The following SPEF2 variants were observed in gnomAD, a reference collection of about 807,000 sequenced individuals.
SPEF2 encodes sperm flagella and cilia-associated protein 2.
In SPEF2, 187 loss-of-function variants were observed where a neutral mutation model predicts 224.6. That is an observed-to-expected ratio of 0.83 (90% CI 0.74 to 0.94). SPEF2 has a LOEUF of 0.94. SPEF2 is among the 40% of genes least tolerant of loss of function. The pLI is 0.00. For synonymous variants in SPEF2, 715 were observed against 707.3 expected (o/e 1.01, Z -0.17); for missense variants, 2,170 against 2,135.6 (o/e 1.02, Z -0.32).
chr5:35,702,435 G>A (rs1029136052), intron 16 of SPEF2: 31 of 410,288 alleles, frequency 7.6e-5, no homozygotes, highest in South Asian at 1.4e-4. Context: ...GACTGCCTCC[G>A]CTGTTTAGCC....
intron 36 of SPEF2, 145 bp downstream of exon 36, chr5:35,807,398 T>C (rs892786374): frequency 1.6e-6 from 2 of 1,280,090 alleles, no homozygotes; most frequent in South Asian, 2.9e-5. Flanking sequence ...AAGCTGGTAA[T>C]CACATCAGGC....
chr5:35,703,189 G>A (rs1374130020), intron 16 of SPEF2, among the ~76,000 whole-genome samples: 1 of 151,610 alleles, frequency 6.6e-6, no homozygotes, highest in Non-Finnish European at 1.5e-5. Flanking sequence ...TTTTTAGCTA[G>A]GGAATTAGTA....
At chr5:35,744,008 T>A (rs1748079877) in intron 23 of SPEF2, among the ~76,000 whole-genome samples, 1 of 152,244 alleles carries the variant, frequency 6.6e-6, no homozygotes, top group Non-Finnish European at 1.5e-5. Flanking sequence ...TTCCTCATTA[T>A]GGTATAAAAT....
At chr5:35,723,664 A>G (rs145201768) in intron 20 of SPEF2, among the ~76,000 whole-genome samples, 1 of 152,360 alleles carries the variant, frequency 6.6e-6, no homozygotes, top group African/African-American at 2.4e-5. Flanking sequence ...AAATGAGGAA[A>G]TTAGCACATT....
At chr5:35,747,166 C>A (rs181395612) in intron 23 of SPEF2, among the ~76,000 whole-genome samples, 1 of 152,210 alleles carries the variant, frequency 6.6e-6, no homozygotes, top group East Asian at 1.9e-4. Flanking sequence ...GAAAAAGGAG[C>A]TCTAAATCTT....
intron 20 of SPEF2, among the ~76,000 whole-genome samples, chr5:35,721,557 T>C (rs1370565263): frequency 6.6e-6 from 1 of 152,246 alleles, no homozygotes; most frequent in Non-Finnish European, 1.5e-5. Flanking sequence ...AAACCTTGCA[T>C]CTGACCTGGA....
At position 35,672,575 on chromosome 5, in the gene SPEF2, T is replaced by G. The variant is rs192910952; in HGVS notation, c.1524+2348T>G. Among the ~76,000 whole-genome samples the G allele has an allele frequency of 4.2e-3, 637 of 151,726 alleles. 4 individuals carry two copies. Among genetic ancestry groups the G allele is most frequent in the Non-Finnish European group, 4.7e-3 (320 of 67,842 alleles). On this transcript the variant is annotated intron_variant, in intron 10 of 36. Transcript: ENST00000356031. ...TTGTATGTGGGAACATTTAGGACAA[T>G]TTCTTGAAGAGACCAAAGATCTAAA...
chr5:35,767,271 A>C (rs1252134113), intron 26 of SPEF2, among the ~76,000 whole-genome samples: 2 of 152,012 alleles, frequency 1.3e-5, no homozygotes, highest in South Asian at 4.1e-4. Flanking sequence ...TTTTCTTATT[A>C]TGAAATAATC....
At chr5:35,739,245 G>A (rs903707223) in intron 21 of SPEF2, among the ~76,000 whole-genome samples, 2 of 152,260 alleles carry the variant, frequency 1.3e-5, no homozygotes, top group South Asian at 2.1e-4. Flanking sequence ...CTAGAGATGA[G>A]TATAGACAAG....
chr5:35,668,683 T>C (rs1471146039), intron 9 of SPEF2, among the ~76,000 whole-genome samples: 1 of 152,152 alleles, frequency 6.6e-6, no homozygotes, highest in Non-Finnish European at 1.5e-5. Context: ...GATCTCCATA[T>C]TTTAAAAATG....
chr5:35,800,152 T>C lies in SPEF2; in HGVS notation c.5010+5T>C. 1.9e-6 allele frequency: 3 copies of C among 1,613,954 alleles called. No individual in the cohort carries two copies. The highest frequency in any genetic ancestry group is 1.3e-5 in the African/African-American group (1 of 75,014). ...TCCATTCCAAGTGCAGAAAAGGTAA[T>C]TGCATTCCAGAAATAGACTAACTAT... On this transcript the variant is annotated splice_donor_5th_base_variant and intron_variant, in intron 34 of 36. Transcript: ENST00000356031.
chr5:35,810,919 G>T (rs1403282157), intron 36 of SPEF2, among the ~76,000 whole-genome samples: 1 of 151,906 alleles, frequency 6.6e-6, no homozygotes, highest in African/African-American at 2.4e-5. Flanking sequence ...ACCTCTTCCT[G>T]GTCACTCCAC....
chr5:35,682,049 TAAGTATTACA>T (rs1165252091), intron 10 of SPEF2, among the ~76,000 whole-genome samples: 2 of 152,172 alleles, frequency 1.3e-5, no homozygotes, highest in Non-Finnish European at 2.9e-5. Flanking sequence ...GTCTTAACTT[TAAGTATTACA>T]AAGTGCTGTG....
At chr5:35,758,156 T>A (rs1580613273) in intron 24 of SPEF2, among the ~76,000 whole-genome samples, 2 of 152,132 alleles carry the variant, frequency 1.3e-5, no homozygotes, top group East Asian at 3.8e-4. Flanking sequence ...AATGTAGGGA[T>A]CCCTTCATAA....
intron 18 of SPEF2, among the ~76,000 whole-genome samples, chr5:35,708,635 C>CCACCA (rs1170440668): frequency 1.9e-4 from 1 of 5,246 alleles, no homozygotes; most frequent in Non-Finnish European, 5.6e-4. Flanking sequence ...ACCACCATCA[C>CCACCA]CTCTACCAGC....
chr5:35,725,184 T>C (rs1274792991), intron 20 of SPEF2, among the ~76,000 whole-genome samples: 1 of 152,168 alleles, frequency 6.6e-6, no homozygotes, highest in African/African-American at 2.4e-5. Context: ...GAGCTAAAAT[T>C]TTCATCTTAT....
At chr5:35,713,946 AT>A (rs1373961062) in intron 20 of SPEF2, among the ~76,000 whole-genome samples, 1 of 2,510 alleles carries the variant, frequency 4.0e-4, no homozygotes, top group Non-Finnish European at 1.1e-3. Flanking sequence ...TATATATAGT[AT>A]TATATATTTT....
chr5:35,800,633 T>G (rs893534196), intron 34 of SPEF2, among the ~76,000 whole-genome samples: 1 of 152,200 alleles, frequency 6.6e-6, no homozygotes, highest in African/African-American at 2.4e-5. Flanking sequence ...AATATCTGAT[T>G]AAAATGCCAC....
At chr5:35,657,536 CTTGAACAA>C (rs1749128826) in intron 7 of SPEF2, among the ~76,000 whole-genome samples, 1 of 151,874 alleles carries the variant, frequency 6.6e-6, no homozygotes, top group Non-Finnish European at 1.5e-5. Flanking sequence ...TAGACTACTT[CTTGAACAA>C]TTGAGTATTA....
Sources: gnomAD v4.1 joint callset for allele counts (sites outside exome capture counted in the v4.1 genomes callset) on GRCh38, gnomAD v4.1.1 for gene constraint, MANE v1.5 for transcripts, NCBI Gene and HGNC (gene_info 2026-07-23, HGNC 2026-07-21) for gene names.